The following NISCH variants were observed in gnomAD, a reference collection of about 807,000 sequenced individuals.
The protein encoded by NISCH is nischarin.
Under a neutral mutation model 138.4 loss-of-function variants are expected in NISCH, and 55 were observed. That is an observed-to-expected ratio of 0.40 (90% CI 0.32 to 0.50). The LOEUF (loss-of-function observed/expected upper bound fraction) is 0.50. NISCH is among the 20% of genes least tolerant of loss of function. The probability of loss-of-function intolerance (pLI) is 0.71; values close to 1 mark genes in which losing one functional copy is unlikely to be tolerated. For missense variants in NISCH, 1,643 were observed against 2,005.5 expected (o/e 0.82, Z 3.45); for synonymous variants, 860 against 861.5 (o/e 1.00, Z 0.03).
In NISCH at chr3:52,489,445, C is replaced by G; in HGVS notation, c.3223C>G (p.Pro1075Ala). The change falls in exon 17 of 21, where the codon CCG becomes GCG. Residue 1075 changes from proline (P) to alanine (A), a missense_variant. Pro to Ala is a conservative substitution (Grantham distance 27). Coordinates refer to ENST00000345716, the MANE Select transcript of NISCH (RefSeq NM_007184.4). ...CTCAGCCTCAGGCCCAGCGAAGACT[C>G]CGGCCCCAGCAGAGGCCTCAACTTC... ...AASASGPAKT[P>A]APAEASTSAL... is the part of the protein sequence containing the mutation. The G allele has an allele frequency of 1.2e-6, 2 of 1,600,924 alleles. No homozygotes were observed. The highest frequency in any genetic ancestry group is 8.6e-7 in the Non-Finnish European group (1 of 1,169,018).
chr3:52,470,272 C>T (rs774419281), intron 3 of NISCH, among the ~76,000 whole-genome samples: 8 of 152,110 alleles, frequency 5.3e-5, no homozygotes, highest in Non-Finnish European at 8.8e-5. Flanking sequence ...AAATCCTTCC[C>T]GCTTCTTTCT....
Position 52,491,494 on chromosome 3 carries a change from G to C in NISCH, c.3885G>C (p.Glu1295Asp), listed in dbSNP as rs1436346672. The C allele has an allele frequency of 1.9e-6, 3 of 1,612,640 alleles. No homozygotes were observed. The highest frequency in any genetic ancestry group is 3.3e-5 in the Admixed American group (2 of 59,936). Residue 1295 changes from glutamate to aspartate, a missense_variant, in exon 20 of 21, where the codon GAG (glutamate) becomes GAC (aspartate). Physicochemically the swap from Glu to Asp is conservative, Grantham distance 45. Transcript: ENST00000345716. ...CTGTTGACAAGGACTTCTACTCCGA[G>C]TTTGGGAACAAGACCACAGGTACCC... ...PEPVDKDFYS[E>D]FGNKTTGKME... is the part of the protein sequence containing the mutation.
rs765880715 is a variant in NISCH at position 52,489,683 on chromosome 3, C to CGG, written c.3456+6_3456+7dup. On this transcript the variant is annotated splice_donor_region_variant and intron_variant, in intron 17 of 20. Coordinates refer to ENST00000345716, the MANE Select transcript of NISCH (RefSeq NM_007184.4). ...TTCCACAGCAGCATTGCTGAGGTAGCGGCCCGGGTGTGGGTGCCAGCTATG... is the reference window on the plus strand; with the variant it reads ...TTCCACAGCAGCATTGCTGAGGTAGCGGGGCCCGGGTGTGGGTGCCAGCTATG... 13 of 1,608,806 alleles carry CGG rather than the reference C, an allele frequency of 8.1e-6. No individual in the cohort carries two copies. Among genetic ancestry groups the CGG allele is most frequent in the Non-Finnish European group, 9.3e-6 (11 of 1,177,922 alleles).
At chr3:52,490,003 AG>A (rs1236996002) in intron 17 of NISCH, 71 bp from the exon 18 acceptor site, 80 of 1,579,380 alleles carry the variant, frequency 5.1e-5, no homozygotes, top group Non-Finnish European at 6.9e-5. Flanking sequence ...TCCTTGTGGA[AG>A]CTGTGGGCAT....
At chr3:52,490,602 C>G in intron 18 of NISCH, 103 bp from the exon 19 acceptor site, 1 of 1,520,336 alleles carries the variant, frequency 6.6e-7, no homozygotes, top group Non-Finnish European at 9.0e-7. Context: ...CGGGTGGAAG[C>G]CAGGCCAGCC....
intron 13 of NISCH, chr3:52,481,163 A>G: frequency 4.9e-6 from 6 of 1,215,026 alleles, no homozygotes; most frequent in Non-Finnish European, 6.1e-6. Flanking sequence ...CGGGAAGGGG[A>G]GGTGAAATGC....
chr3:52,484,523 C>T lies in NISCH; in HGVS notation c.1539C>T (p.Phe513=), dbSNP rs752225112. 41 of 1,365,520 alleles carry T rather than the reference C, an allele frequency of 3.0e-5. No homozygotes were observed. Among genetic ancestry groups the T allele is most frequent in the Middle Eastern group, 2.1e-4 (1 of 4,730 alleles). The allele number at this position is 1,365,520 out of a possible 1,614,324, so 84.6% of individuals were successfully genotyped here. The change falls in exon 14 of 21, where the codon TTC becomes TTT. Residue 513 remains phenylalanine, a synonymous_variant. Coordinates refer to ENST00000345716, the MANE Select transcript of NISCH (RefSeq NM_007184.4). ...QPILSNQGIM[F]VQEEALASSL... is the part of the protein sequence containing the mutation. The stretch of plus-strand genomic sequence containing the variant: ...CCCTGGTCTCTCCAGGAATCATGTT[C>T]GTTCAGGAGGAGGCCCTGGCCAGCA...
At chr3:52,472,219 T>C in intron 5 of NISCH, 84 bp from the exon 6 acceptor site, 8 of 1,313,868 alleles carry the variant, frequency 6.1e-6, no homozygotes, top group Non-Finnish European at 8.8e-6. Flanking sequence ...GTGGTCAAAG[T>C]TGTCTTCAAC....
Position 52,484,463 on chromosome 3 carries a change from C to CCA in NISCH, c.1529-49_1529-48insAC. The CCA allele has an allele frequency of 6.9e-6, 2 of 289,548 alleles. 1 individual carries two copies. The highest frequency in any genetic ancestry group is 5.5e-5 in the South Asian group (2 of 36,626). The allele number at this position is 289,548 out of a possible 1,614,324, so 17.9% of individuals were successfully genotyped here. The stretch of plus-strand genomic sequence containing the variant: ...GCCCCACTTGTTGAACAGCCGCTCT[C>CCA]CCCGCCCCACCCACCCTGCCTGCCT... On this transcript the variant is annotated intron_variant, in intron 13 of 20. Coordinates refer to ENST00000345716, the MANE Select transcript of NISCH (RefSeq NM_007184.4).
In NISCH at chr3:52,458,680, A is replaced by G. The variant is rs748345610; in HGVS notation, c.196A>G (p.Ile66Val). Residue 66 changes from isoleucine to valine, a missense_variant, in exon 3 of 21, where the codon ATT (isoleucine) becomes GTT (valine). By Grantham distance (29) the Ile-to-Val change is conservative. Transcript: ENST00000345716. ...LHEKLVAERKIDKNLLPPKKI... is the reference protein window; with the variant it reads ...LHEKLVAERKVDKNLLPPKKI... ...TTTACAGCTCGTTGCAGAGAGAAAG[A>G]TTGATAAAAATCTGCTTCCGCCCAA... 3 of 1,612,868 alleles carry G rather than the reference A, an allele frequency of 1.9e-6. No individual in the cohort carries two copies. The highest frequency in any genetic ancestry group is 2.5e-6 in the Non-Finnish European group (3 of 1,179,730).
chr3:52,492,622 G>A lies in NISCH; in HGVS notation c.*140G>A, dbSNP rs905436711. 2.7e-6 allele frequency: 3 copies of A among 1,125,404 alleles called. No homozygotes were observed. The highest frequency in any genetic ancestry group is 1.6e-5 in the African/African-American group (1 of 63,968). The allele number at this position is 1,125,404 out of a possible 1,614,324, so 69.7% of individuals were successfully genotyped here. The stretch of plus-strand genomic sequence containing the variant: ...CCTCGCAGAGAATGTGAACATGTGT[G>A]TGTGTTGTGTTAATTCTTTCTCATG... On this transcript the variant is annotated 3_prime_UTR_variant, in exon 21 of 21. Coordinates refer to ENST00000345716, the MANE Select transcript of NISCH (RefSeq NM_007184.4).
At position 52,487,321 on chromosome 3, in the gene NISCH, TC is replaced by T. The variant is rs776193343; in HGVS notation, c.1831del (p.Arg611GlyfsTer105). 2.5e-6 allele frequency: 4 copies of T among 1,614,106 alleles called. No homozygotes were observed. The highest frequency in any genetic ancestry group is 3.4e-6 in the Non-Finnish European group (4 of 1,180,030). ...QDFIQRLSTL[I>X]RQAIERQLPA... is the part of the protein sequence containing the mutation. The stretch of plus-strand genomic sequence containing the variant: ...TTCATCCAGCGCCTGAGCACACTGA[TC>T]CGGCAGGCCATCGAGCGGCAGCTGC... On this transcript the variant is annotated frameshift_variant, in exon 16 of 21. Coordinates refer to ENST00000345716, the MANE Select transcript of NISCH (RefSeq NM_007184.4). LOFTEE classifies it high-confidence loss of function. The surrounding 1 kb of genome is among the most constrained non-coding windows in gnomAD (Gnocchi z 9.1).
In NISCH at chr3:52,483,516, G is replaced by T. The variant is rs77760554; in HGVS notation, c.1529-997G>T. ...GGAGTAACAGGTCCAGATAGGCTAC[G>T]TTCATAAAACAGCTTCAGCGGGGTT... On this transcript the variant is annotated intron_variant, in intron 13 of 20. Coordinates refer to ENST00000345716, the MANE Select transcript of NISCH (RefSeq NM_007184.4). 6.4e-3 allele frequency among the ~76,000 whole-genome samples: 978 copies of T among 152,346 alleles called. 6 individuals are homozygous for T. The highest frequency in any genetic ancestry group is 0.02 in the Middle Eastern group (6 of 294).
At chr3:52,456,169 G>A (rs1042072755) in intron 1 of NISCH, among the ~76,000 whole-genome samples, 1 of 152,096 alleles carries the variant, frequency 6.6e-6, no homozygotes, top group African/African-American at 2.4e-5. Flanking sequence ...AGGCTTCGCA[G>A]GCCTTGAAGA....
At chr3:52,480,654 A>G (rs1707245882) in intron 13 of NISCH, 6 of 1,423,262 alleles carry the variant, frequency 4.2e-6, no homozygotes, top group South Asian at 1.6e-5. Context: ...GCTCCTGGTT[A>G]CAGGAAGCCG....
intron 3 of NISCH, among the ~76,000 whole-genome samples, chr3:52,460,186 CA>C (rs60865450): frequency 0.03 from 1,659 of 56,118 alleles, 10 homozygotes; most frequent in African/African-American, 0.12. Context: ...GACTTCATCT[CA>C]AAAAAAAAAA....
At chr3:52,491,629 A>G in intron 20 of NISCH, 116 bp downstream of exon 20, 1 of 1,276,710 alleles carries the variant, frequency 7.8e-7, no homozygotes, top group Non-Finnish European at 1.1e-6. Context: ...TTTCTCACTT[A>G]GCTGGCCAGG....
chr3:52,484,119 G>A (rs1578306122), intron 13 of NISCH: 2 of 175,688 alleles, frequency 1.1e-5, no homozygotes, highest in Non-Finnish European at 2.5e-5. Flanking sequence ...TTTGTAATCT[G>A]TAAGAACTTT....
chr3:52,488,276 C>T lies in NISCH; in HGVS notation c.2784C>T (p.Pro928=), dbSNP rs1431424011. The stretch of plus-strand genomic sequence containing the variant: ...TCAAGGCCGACTTCAACCCCATGCC[C>T]AACCGTGGCACCCACAACTGTCGCA... ...NVIKADFNPM[P]NRGTHNCRNR... Residue 928 remains proline (P), a synonymous_variant, in exon 16 of 21, where the codon CCC becomes CCT. Transcript: ENST00000345716. The T allele has an allele frequency of 6.2e-6, 10 of 1,610,398 alleles. No homozygotes were observed. The highest frequency in any genetic ancestry group is 1.1e-5 in the South Asian group (1 of 91,090).
Sources: gnomAD v4.1 joint callset for allele counts (sites outside exome capture counted in the v4.1 genomes callset) on GRCh38, gnomAD v4.1.1 for gene constraint, Gnocchi (gnomAD v3.1) non-coding constraint, MANE v1.5 for transcripts, NCBI Gene and HGNC (gene_info 2026-07-23, HGNC 2026-07-21) for gene names.